The following CADM2 variants were observed in gnomAD, a reference collection of about 807,000 sequenced individuals.
CADM2 encodes the protein cell adhesion molecule 2, also known as immunoglobulin superfamily member 4D.
In CADM2, 12 loss-of-function variants were observed where a neutral mutation model predicts 49.8. The ratio of observed to expected loss-of-function variants is 0.24; its 90% CI spans 0.15 to 0.39. The LOEUF is 0.39. Among genes scored for constraint, CADM2 ranks in the 10% least tolerant of loss-of-function variants. CADM2 has a pLI of 1.00. For synonymous variants in CADM2, 214 were observed against 175.4 expected, an observed-to-expected ratio of 1.22 and a Z score of -1.74; for missense variants, 378 against 492.3, an observed-to-expected ratio of 0.77 and a Z score of 2.20.
intron 1 of CADM2, among the ~76,000 whole-genome samples, chr3:85,573,108 T>A (rs1180809274): frequency 1.3e-5 from 2 of 152,060 alleles, no homozygotes; most frequent in Non-Finnish European, 2.9e-5. Context: ...AAATAGCTTA[T>A]TTCAACATCT....
At chr3:85,689,364 A>C (rs187510295) in intron 1 of CADM2, among the ~76,000 whole-genome samples, 1 of 152,330 alleles carries the variant, frequency 6.6e-6, no homozygotes, top group Admixed American at 6.5e-5. Flanking sequence ...GCAAAGAAAA[A>C]ATAATGAAAA....
chr3:85,383,519 TATATATATATATATATATAC>T (rs2034025706), intron 1 of CADM2, among the ~76,000 whole-genome samples: 1 of 80,208 alleles, frequency 1.2e-5, no homozygotes. Context: ...TATATATGTA[TATATATATATATATATATAC>T]ATATATATAT....
intron 1 of CADM2, among the ~76,000 whole-genome samples, chr3:84,967,113 G>T (rs983961762): frequency 1.5e-4 from 23 of 152,018 alleles, no homozygotes; most frequent in Non-Finnish European, 3.1e-4. Flanking sequence ...AACAGAATGA[G>T]AACATACCTT....
At chr3:85,979,057 T>C in intron 8 of CADM2, 1 of 1,263,310 alleles carries the variant, frequency 7.9e-7, no homozygotes, top group Non-Finnish European at 1.1e-6. Context: ...TTAAAGCTTG[T>C]TAAAGTTAAA....
intron 1 of CADM2, among the ~76,000 whole-genome samples, chr3:85,307,006 A>G (rs1284037071): frequency 2.6e-5 from 4 of 151,524 alleles, no homozygotes; most frequent in Admixed American, 1.3e-4. Flanking sequence ...AGAAACGTTG[A>G]CCTGTTCTTG....
At chr3:85,821,013 G>A (rs1434540288) in intron 3 of CADM2, among the ~76,000 whole-genome samples, 1 of 152,146 alleles carries the variant, frequency 6.6e-6, no homozygotes, top group Non-Finnish European at 1.5e-5. Context: ...GCTATTGTTT[G>A]TCCTGCAGTT....
At chr3:85,326,402 G>A (rs2044752041) in intron 1 of CADM2, among the ~76,000 whole-genome samples, 1 of 152,066 alleles carries the variant, frequency 6.6e-6, no homozygotes, top group African/African-American at 2.4e-5. Context: ...GAGTTGAATA[G>A]TCTTTCATAA....
intron 7 of CADM2, among the ~76,000 whole-genome samples, chr3:85,960,447 G>C (rs148573668): frequency 6.6e-6 from 1 of 152,006 alleles, no homozygotes; most frequent in African/African-American, 2.4e-5. Flanking sequence ...TATTCATCAT[G>C]TTAGAAAGCA....
In CADM2 at chr3:85,992,580, A is replaced by G. The variant is rs1175171143; in HGVS notation, c.970+30933A>G. On this transcript the variant is annotated intron_variant, in intron 8 of 9. Coordinates refer to ENST00000383699, the MANE Select transcript of CADM2 (RefSeq NM_001167675.2). ...TCACCGCAATAAAGCACATATTACA[A>G]TATCATGAGTCTCACACATTTTTGT... 3 of 152,180 alleles carry G rather than the reference A, an allele frequency of 2.0e-5. No homozygotes were observed. The East Asian group carries it at 5.8e-4, about 29-fold the overall frequency. The allele number at this position is 152,180 out of a possible 1,614,324, so 9.4% of individuals were successfully genotyped here. A position where few individuals can be genotyped will look rare whatever the true frequency, so the allele number is the denominator to read the frequency against.
At chr3:85,469,043 C>T (rs757840808) in intron 1 of CADM2, among the ~76,000 whole-genome samples, 1 of 152,112 alleles carries the variant, frequency 6.6e-6, no homozygotes, top group Non-Finnish European at 1.5e-5. Context: ...CTTCAGGCCA[C>T]CACAAGTCAG....
At chr3:85,136,647 C>T (rs2039421106) in intron 1 of CADM2, among the ~76,000 whole-genome samples, 1 of 151,846 alleles carries the variant, frequency 6.6e-6, no homozygotes, top group Non-Finnish European at 1.5e-5. Context: ...TTTCACTTTA[C>T]AATCTAACTG....
intron 2 of CADM2, among the ~76,000 whole-genome samples, chr3:85,773,352 A>G (rs749418228): frequency 6.6e-6 from 1 of 151,992 alleles, no homozygotes; most frequent in Non-Finnish European, 1.5e-5. Flanking sequence ...GACCAGCTGT[A>G]AAGATAGGTA....
chr3:85,722,304 C>T (rs2067532611), intron 1 of CADM2, among the ~76,000 whole-genome samples: 1 of 152,118 alleles, frequency 6.6e-6, no homozygotes, highest in Non-Finnish European at 1.5e-5. Context: ...GCAGTGGCTG[C>T]TCCACATGGA....
chr3:85,991,263 A>G (rs1224863826), intron 8 of CADM2, among the ~76,000 whole-genome samples: 1 of 152,014 alleles, frequency 6.6e-6, no homozygotes, highest in African/African-American at 2.4e-5. Context: ...TTGGCTCCTC[A>G]TTTTCCGTGA....
At chr3:85,526,056 C>T (rs1412690590) in intron 1 of CADM2, among the ~76,000 whole-genome samples, 2 of 152,080 alleles carry the variant, frequency 1.3e-5, no homozygotes, top group Non-Finnish European at 1.5e-5. Flanking sequence ...ACACCCTGTT[C>T]TAAGAACTGT....
At chr3:85,815,704 C>T (rs933082823) in intron 3 of CADM2, among the ~76,000 whole-genome samples, 1 of 152,132 alleles carries the variant, frequency 6.6e-6, no homozygotes, top group South Asian at 2.1e-4. Flanking sequence ...GTTGGCCTCT[C>T]TCACCACTCC....
intron 1 of CADM2, among the ~76,000 whole-genome samples, chr3:85,038,040 A>G (rs961883038): frequency 2.6e-5 from 4 of 152,150 alleles, no homozygotes; most frequent in African/African-American, 7.2e-5. Context: ...AGTTTTTTAA[A>G]ATAAGCAAAG....
At chr3:85,698,187 A>G (rs1424075826) in intron 1 of CADM2, among the ~76,000 whole-genome samples, 1 of 152,174 alleles carries the variant, frequency 6.6e-6, no homozygotes, top group Non-Finnish European at 1.5e-5. Context: ...TTCTTATGGC[A>G]TCAGTTGAAA....
intron 7 of CADM2, among the ~76,000 whole-genome samples, chr3:85,942,568 A>G (rs1168054876): frequency 6.8e-6 from 1 of 147,342 alleles, no homozygotes; most frequent in Non-Finnish European, 1.5e-5. Flanking sequence ...CCCACCTATG[A>G]GTGAGAATAT....
Sources: gnomAD v4.1 joint callset for allele counts (sites outside exome capture counted in the v4.1 genomes callset) on GRCh38, gnomAD v4.1.1 for gene constraint, MANE v1.5 for transcripts, NCBI Gene and HGNC (gene_info 2026-07-23, HGNC 2026-07-21) for gene names.